The following BSN variants were observed in gnomAD, a reference collection of about 807,000 sequenced individuals.
BSN encodes bassoon presynaptic cytomatrix protein, also known as protein bassoon.
BSN carries 57 observed loss-of-function variants against 264.8 expected under a neutral mutation model. That is an observed-to-expected ratio of 0.22 (90% CI 0.17 to 0.27). BSN has a LOEUF of 0.27. Among genes scored for constraint, BSN ranks in the 10% least tolerant of loss-of-function variants. BSN has a pLI of 1.00. For synonymous variants in BSN, 2,059 were observed against 2,137.3 expected, an observed-to-expected ratio of 0.96 and a Z score of 1.01; for missense variants, 4,615 against 5,232.5, an observed-to-expected ratio of 0.88 and a Z score of 3.64.
At chr3:49,601,523 C>T (rs1278939185) in intron 1 of BSN, among the ~76,000 whole-genome samples, 2 of 152,144 alleles carry the variant, frequency 1.3e-5, no homozygotes, top group South Asian at 2.1e-4. Flanking sequence ...CCTCCAGTGC[C>T]AGCTTGTGGC....
intron 1 of BSN, among the ~76,000 whole-genome samples, chr3:49,582,944 G>A (rs2051905948): frequency 8.8e-6 from 1 of 113,874 alleles, no homozygotes; most frequent in Non-Finnish European, 1.9e-5. Context: ...TATTAATATG[G>A]TGTATTACAT....
chr3:49,586,382 T>G (rs1270948152), intron 1 of BSN, among the ~76,000 whole-genome samples: 1 of 150,240 alleles, frequency 6.7e-6, no homozygotes, highest in Non-Finnish European at 1.5e-5. Context: ...ATTTACTTAT[T>G]TATTTATTCT....
At chr3:49,628,145 C>T (rs1457077885) in intron 2 of BSN, among the ~76,000 whole-genome samples, 1 of 152,206 alleles carries the variant, frequency 6.6e-6, no homozygotes, top group Non-Finnish European at 1.5e-5. Flanking sequence ...TGAAACTGTG[C>T]TTGGAACTTT....
At chr3:49,557,470 A>T (rs1308465128) in intron 1 of BSN, among the ~76,000 whole-genome samples, 2 of 152,126 alleles carry the variant, frequency 1.3e-5, no homozygotes, top group Admixed American at 1.3e-4. Flanking sequence ...ACAGAACTTT[A>T]TCAGTACCCC....
chr3:49,648,878 C>T (rs2052518800), intron 3 of BSN, among the ~76,000 whole-genome samples: 1 of 152,360 alleles, frequency 6.6e-6, no homozygotes. Flanking sequence ...GGCCACTGCC[C>T]CATTCCTCTG....
intron 1 of BSN, among the ~76,000 whole-genome samples, chr3:49,603,292 T>C (rs907025034): frequency 7.2e-5 from 11 of 152,312 alleles, no homozygotes; most frequent in Non-Finnish European, 1.3e-4. Flanking sequence ...TGTTGGTGGT[T>C]GCTACCTGGC....
At chr3:49,576,206 C>T (rs1478924263) in intron 1 of BSN, among the ~76,000 whole-genome samples, 2 of 152,032 alleles carry the variant, frequency 1.3e-5, no homozygotes, top group South Asian at 4.1e-4. Flanking sequence ...CCTACTTGCT[C>T]CATCTCTGAG....
intron 1 of BSN, among the ~76,000 whole-genome samples, chr3:49,624,095 G>A (rs1427039783): frequency 1.3e-5 from 2 of 151,934 alleles, no homozygotes; most frequent in Non-Finnish European, 1.5e-5. Context: ...CCACCTCCCG[G>A]GTTCACGCCA....
At position 49,661,115 on chromosome 3, in the gene BSN, A is replaced by C. The variant is rs775853540; in HGVS notation, c.9270A>C (p.Pro3090=). The C allele has an allele frequency of 6.3e-7, 1 of 1,599,888 alleles. No individual in the cohort carries two copies. Among genetic ancestry groups the C allele is most frequent in the Non-Finnish European group, 8.5e-7 (1 of 1,174,166 alleles). Reference sequence around the variant, plus strand: ...CCTACCCTGGCCCCAGCACGTACCCAGCTCCTGCCTTTCCTCCTGGTGCCA... The same window carrying C: ...CCTACCCTGGCCCCAGCACGTACCCCGCTCCTGCCTTTCCTCCTGGTGCCA... ...APTYPGPSTY[P]APAFPPGASY... is the part of the protein sequence containing the mutation. The change falls in exon 6 of 12, where the codon CCA becomes CCC. Residue 3090 remains proline (P), a synonymous_variant. Transcript: ENST00000296452.
Position 49,653,220 on chromosome 3 carries a change from C to T in BSN, c.3664C>T (p.Arg1222Trp), listed in dbSNP as rs748737654. Residue 1222 changes from arginine (R) to tryptophan (W), a missense_variant, in exon 5 of 12, where the codon CGG becomes TGG. Arg to Trp is a moderately radical substitution (Grantham distance 101). This residue lies in a region of BSN where 3,415 missense variants were observed against 3,866.4 expected (regional missense o/e 0.88). Transcript: ENST00000296452. The surrounding 1 kb of genome is among the most constrained non-coding windows in gnomAD (Gnocchi z 6.3). ...HGGPSQPTGP[R>W]GLGSFEYQDT... ...CGGCCCCTCTCAGCCCACAGGCCCC[C>T]GGGGCCTGGGCTCCTTCGAATATCA... The T allele has an allele frequency of 1.4e-5, 23 of 1,611,514 alleles. No individual in the cohort carries two copies. The highest frequency in any genetic ancestry group is 5.5e-5 in the South Asian group (5 of 90,952).
At position 49,663,393 on chromosome 3, in the gene BSN, G is replaced by A. The variant is rs144322385; in HGVS notation, c.11235G>A (p.Pro3745=). 51 of 1,612,926 alleles carry A rather than the reference G, an allele frequency of 3.2e-5. No individual in the cohort carries two copies. The African/African-American group carries it at 4.0e-4, about 13-fold the overall frequency. ...CAAAGGCAGAACCCCAGGCGCAGCC[G>A]CAGCTGCAAGGTCGGCAGGCAGCTC... The part of the protein sequence containing the change: ...LQSKAEPQAQ[P]QLQGRQAAPG... The change falls in exon 7 of 12, where the codon CCG becomes CCA. Residue 3745 remains proline, a synonymous_variant. Coordinates refer to ENST00000296452, the MANE Select transcript of BSN (RefSeq NM_003458.4).
chr3:49,580,357 A>G (rs952410488), intron 1 of BSN, among the ~76,000 whole-genome samples: 3 of 152,232 alleles, frequency 2.0e-5, no homozygotes, highest in African/African-American at 7.2e-5. Flanking sequence ...TGAAATCTTA[A>G]GACAGTTTTA....
Position 49,593,959 on chromosome 3 carries a change from C to T in BSN, c.225-31016C>T, listed in dbSNP as rs548479798. 1.1e-3 allele frequency among the ~76,000 whole-genome samples: 165 copies of T among 151,948 alleles called. 1 individual carries two copies. Among genetic ancestry groups the T allele is most frequent in the Non-Finnish European group, 2.0e-3 (134 of 67,936 alleles). ...CTGGGACTACAGGCACCCGCCACCA[C>T]GCCTTCCTAATTTTTTGTATTTTTA... On this transcript the variant is annotated intron_variant, in intron 1 of 11. Transcript: ENST00000296452.
intron 1 of BSN, 142 bp from the exon 2 acceptor site, chr3:49,624,833 C>T: frequency 1.3e-6 from 1 of 750,010 alleles, no homozygotes; most frequent in Non-Finnish European, 2.1e-6. Flanking sequence ...CAGGACACAG[C>T]AAATGAGGGC....
intron 3 of BSN, among the ~76,000 whole-genome samples, chr3:49,648,679 C>G (rs2052517648): frequency 6.6e-6 from 1 of 152,186 alleles, no homozygotes; most frequent in African/African-American, 2.4e-5. Context: ...GGGGTGCACC[C>G]TGCCAGGCCA....
At chr3:49,631,486 A>G (rs2052383762) in intron 2 of BSN, among the ~76,000 whole-genome samples, 1 of 151,796 alleles carries the variant, frequency 6.6e-6, no homozygotes, top group Admixed American at 6.6e-5. Flanking sequence ...TGAGCCTGGG[A>G]AAATCTAGGC....
intron 11 of BSN, among the ~76,000 whole-genome samples, chr3:49,666,521 T>C (rs771045137): frequency 2.0e-5 from 3 of 152,230 alleles, no homozygotes; most frequent in Admixed American, 6.5e-5. Context: ...ATTAAAAAGG[T>C]ACTTTCTGAA....
In BSN at chr3:49,657,234, C is replaced by T; in HGVS notation, c.7678C>T (p.Pro2560Ser). The T allele has an allele frequency of 6.2e-7, 1 of 1,613,498 alleles. No homozygotes were observed. The highest frequency in any genetic ancestry group is 8.5e-7 in the Non-Finnish European group (1 of 1,180,040). The change falls in exon 5 of 12, where the codon CCA (proline) becomes TCA (serine). Residue 2560 changes from proline to serine, a missense_variant. By Grantham distance (74) the Pro-to-Ser change is moderately conservative (BLOSUM62 -1). Coordinates refer to ENST00000296452, the MANE Select transcript of BSN (RefSeq NM_003458.4). The stretch of plus-strand genomic sequence containing the variant: ...TGGCATCAAGAAGCGGCACTCCATG[C>T]CACGCCTGCGGGATGCCTGTGAGCT... ...RSGIKKRHSM[P>S]RLRDACELES...
chr3:49,567,637 A>G (rs954212341), intron 1 of BSN, among the ~76,000 whole-genome samples: 1 of 152,266 alleles, frequency 6.6e-6, no homozygotes, highest in East Asian at 1.9e-4. Context: ...CACATCTGCT[A>G]ACATTCCTGT....
Sources: gnomAD v4.1 joint callset for allele counts (sites outside exome capture counted in the v4.1 genomes callset) on GRCh38, gnomAD v4.1.1 for gene constraint, gnomAD v4.1.1 regional missense constraint, Gnocchi (gnomAD v3.1) non-coding constraint, MANE v1.5 for transcripts, NCBI Gene and HGNC (gene_info 2026-07-23, HGNC 2026-07-21) for gene names.